TMEM178B: variants seen among roughly 807,000 people sequenced by gnomAD.
TMEM178B encodes the protein transmembrane protein 178B.
In TMEM178B, 5 loss-of-function variants were observed where a neutral mutation model predicts 31.0. The observed-to-expected ratio is 0.16, with a 90% CI of 0.08 to 0.34. The LOEUF is 0.34. TMEM178B is among the 10% of genes least tolerant of loss of function. The probability of loss-of-function intolerance (pLI) is 1.00; values close to 1 mark genes in which losing one functional copy is unlikely to be tolerated. For synonymous variants in TMEM178B, 164 were observed against 164.0 expected (o/e 1.00, Z 0.00); for missense variants, 275 against 400.3 (o/e 0.69, Z 2.67).
chr7:141,456,916 G>A (rs1039958669), intron 3 of TMEM178B, among the ~76,000 whole-genome samples: 4 of 152,216 alleles, frequency 2.6e-5, no homozygotes, highest in Admixed American at 6.5e-5. Context: ...AAGCCAGTTG[G>A]ATCCCACTAA....
At chr7:141,424,312 T>C (rs901842251) in intron 2 of TMEM178B, among the ~76,000 whole-genome samples, 3 of 152,162 alleles carry the variant, frequency 2.0e-5, no homozygotes, top group Non-Finnish European at 4.4e-5. Context: ...AATCAGCCAG[T>C]GTTGGCCTGC....
In TMEM178B at chr7:141,250,436, G is replaced by C. The variant is rs532898797; in HGVS notation, c.496+37732G>C. Among the ~76,000 whole-genome samples, 5 of 152,314 alleles carry C rather than the reference G, an allele frequency of 3.3e-5. No individual in the cohort carries two copies. In the East Asian group the frequency reaches 9.6e-4, roughly 29 times the overall value. ...TGGGCAGTCTGGCTCCAGCATCAGTGCTCATTTCCACTACAATATGTCCTC... is the reference window on the plus strand; with the variant it reads ...TGGGCAGTCTGGCTCCAGCATCAGTCCTCATTTCCACTACAATATGTCCTC... On this transcript the variant is annotated intron_variant, in intron 2 of 3. Transcript: ENST00000565468.
intron 1 of TMEM178B, among the ~76,000 whole-genome samples, chr7:141,167,358 C>T (rs1403051375): frequency 6.6e-6 from 1 of 152,262 alleles, no homozygotes; most frequent in African/African-American, 2.4e-5. Flanking sequence ...ATATAGGACA[C>T]TCTGTCTTGC....
At chr7:141,364,130 G>A (rs925411659) in intron 2 of TMEM178B, among the ~76,000 whole-genome samples, 2 of 152,080 alleles carry the variant, frequency 1.3e-5, no homozygotes, top group Non-Finnish European at 2.9e-5. Flanking sequence ...ATAGATTTAT[G>A]TGTTTTCTGC....
At chr7:141,498,933 G>A in the TMEM178B span, among the ~76,000 whole-genome samples, 73 of 152,296 alleles carry the variant, frequency 4.8e-4, 1 homozygote, top group African/African-American at 1.5e-3. Flanking sequence ...GATGCCAGTC[G>A]TGGAAAGTCA....
intron 1 of TMEM178B, among the ~76,000 whole-genome samples, chr7:141,156,838 G>T (rs1334646123): frequency 6.6e-6 from 1 of 152,182 alleles, no homozygotes; most frequent in Non-Finnish European, 1.5e-5. Flanking sequence ...TTTCTAACTG[G>T]TTGTAAGGCT....
intron 1 of TMEM178B, among the ~76,000 whole-genome samples, chr7:141,205,685 G>A (rs1283423649): frequency 6.6e-6 from 1 of 152,176 alleles, no homozygotes; most frequent in African/African-American, 2.4e-5. Flanking sequence ...ATTTTAGATG[G>A]GCTGAACTTA....
intron 2 of TMEM178B, among the ~76,000 whole-genome samples, chr7:141,285,076 A>G (rs888573343): frequency 2.7e-5 from 4 of 148,836 alleles, no homozygotes; most frequent in African/African-American, 9.9e-5. Flanking sequence ...AAAAAACTAC[A>G]TACGTTATTT....
At position 141,074,682 on chromosome 7, in the gene TMEM178B, C is replaced by T; in HGVS notation, c.372C>T (p.Leu124=). Residue 124 remains leucine, a synonymous_variant, in exon 1 of 4, where the codon CTC becomes CTT. Transcript: ENST00000565468. This position sits in a 1 kb window ranked among gnomAD's most constrained non-coding sequence, Gnocchi z 5.1. Reference sequence around the variant, plus strand: ...GCTTCGACCCCGAGATCGCCGCCCTCATTCGGAAAGGTAAGCGCCGGGCGC... The same window carrying T: ...GCTTCGACCCCGAGATCGCCGCCCTTATTCGGAAAGGTAAGCGCCGGGCGC... ...RQGFDPEIAA[L]IRKGEIERCT... 4 of 1,503,678 alleles carry T rather than the reference C, an allele frequency of 2.7e-6. No individual in the cohort carries two copies. The highest frequency in any genetic ancestry group is 3.5e-6 in the Non-Finnish European group (4 of 1,127,982). The allele number at this position is 1,503,678 out of a possible 1,614,324, so 93.1% of individuals were successfully genotyped here.
intron 2 of TMEM178B, among the ~76,000 whole-genome samples, chr7:141,356,646 T>C (rs1799824581): frequency 7.4e-6 from 1 of 134,498 alleles, no homozygotes; most frequent in Non-Finnish European, 1.6e-5. Context: ...AGTTGCGGGG[T>C]TGGGCGGGGG....
intron 1 of TMEM178B, among the ~76,000 whole-genome samples, chr7:141,203,647 G>T (rs963035554): frequency 6.6e-6 from 1 of 152,218 alleles, no homozygotes; most frequent in Non-Finnish European, 1.5e-5. Flanking sequence ...ACACTGGAAA[G>T]CACATACCTG....
chr7:141,229,087 G>T (rs1558447), intron 2 of TMEM178B, among the ~76,000 whole-genome samples: 1 of 119,500 alleles, frequency 8.4e-6, no homozygotes, highest in Non-Finnish European at 1.7e-5. Flanking sequence ...TTTGCAAAAT[G>T]ATGTGTGTGT....
In TMEM178B at chr7:141,101,907, A is replaced by ATGTGTGTGTGTGTGTGTGTG. The variant is rs1795064734; in HGVS notation, c.382+27215_382+27216insTGTGTGTGTGTGTGTGTGTG. Among the ~76,000 whole-genome samples, 7 of 124,494 alleles carry ATGTGTGTGTGTGTGTGTGTG rather than the reference A, an allele frequency of 5.6e-5. No homozygotes were observed. In the South Asian group the frequency reaches 1.5e-3, roughly 26 times the overall value. 81.7% of individuals were successfully genotyped at this position (124,494 alleles called of 152,430 possible). ...TCAGGTGCCTGGATAGTGTGTGTTA[A>ATGTGTGTGTGTGTGTGTGTG]CGTGTGTGTGTGTGTGTGTGTGTGT... On this transcript the variant is annotated intron_variant, in intron 1 of 3. Coordinates refer to ENST00000565468, the MANE Select transcript of TMEM178B (RefSeq NM_001195278.2).
chr7:141,273,247 T>C (rs1384344576), intron 2 of TMEM178B, among the ~76,000 whole-genome samples: 1 of 152,160 alleles, frequency 6.6e-6, no homozygotes, highest in Non-Finnish European at 1.5e-5. Flanking sequence ...GAGATGTTGA[T>C]CAAAGAGTGC....
intron 1 of TMEM178B, among the ~76,000 whole-genome samples, chr7:141,194,473 C>T (rs886858308): frequency 1.3e-5 from 2 of 152,188 alleles, no homozygotes; most frequent in Non-Finnish European, 2.9e-5. Context: ...AAAATGATCT[C>T]CTTTGACTCC....
intron 1 of TMEM178B, among the ~76,000 whole-genome samples, chr7:141,179,937 A>G (rs770337592): frequency 2.0e-5 from 3 of 151,684 alleles, no homozygotes; most frequent in African/African-American, 4.8e-5. Flanking sequence ...CCAACTGTCT[A>G]CTCTTCTCAG....
intron 2 of TMEM178B, among the ~76,000 whole-genome samples, chr7:141,409,332 TA>T (rs1021896294): frequency 1.3e-5 from 2 of 151,892 alleles, no homozygotes; most frequent in Non-Finnish European, 2.9e-5. Flanking sequence ...TTTAGACCTT[TA>T]AAAAAAAGGT....
the TMEM178B span, among the ~76,000 whole-genome samples, chr7:141,500,887 C>T: frequency 6.6e-5 from 10 of 151,814 alleles, no homozygotes; most frequent in African/African-American, 1.5e-4. Context: ...AGGCTTGTGA[C>T]GGAAGGAAGT....
chr7:141,259,492 A>G lies in TMEM178B; in HGVS notation c.496+46788A>G, dbSNP rs148547332. Among the ~76,000 whole-genome samples the G allele has an allele frequency of 3.3e-3, 509 of 151,990 alleles. 3 individuals are homozygous for G. Among genetic ancestry groups the G allele is most frequent in the African/African-American group, 0.012 (482 of 41,456 alleles). ...CCTTGAGTGTGGGTCACACTTTCCTATTTCTTTGCATATCTCATAATTTTT... is the reference window on the plus strand; with the variant it reads ...CCTTGAGTGTGGGTCACACTTTCCTGTTTCTTTGCATATCTCATAATTTTT... On this transcript the variant is annotated intron_variant, in intron 2 of 3. Coordinates refer to ENST00000565468, the MANE Select transcript of TMEM178B (RefSeq NM_001195278.2).
Sources: allele counts gnomAD v4.1 joint callset (sites outside exome capture counted in the v4.1 genomes callset), GRCh38; gene constraint gnomAD v4.1.1; non-coding constraint Gnocchi (gnomAD v3.1); transcripts MANE v1.5; gene names NCBI Gene and HGNC (gene_info 2026-07-23, HGNC 2026-07-21).